Variants in STXBP2 observed in about 807,000 individuals in gnomAD.
STXBP2 encodes the protein syntaxin-binding protein 2.
STXBP2 carries 47 observed loss-of-function variants against 72.2 expected under a neutral mutation model. The observed-to-expected ratio is 0.65, with a 90% CI of 0.51 to 0.83. STXBP2 has a LOEUF of 0.83. Ranked by LOEUF, STXBP2 falls within the 40% of genes least tolerant of loss-of-function variation. The pLI is 0.00. For missense variants in STXBP2, 702 were observed against 807.6 expected, an observed-to-expected ratio of 0.87 and a Z score of 1.58; for synonymous variants, 367 against 338.7, an observed-to-expected ratio of 1.08 and a Z score of -0.92.
intron 18 of STXBP2, 57 bp downstream of exon 18, chr19:7,647,568 C>G (rs1599408742): frequency 7.0e-6 from 11 of 1,575,166 alleles, no homozygotes; most frequent in Non-Finnish European, 9.5e-6. Flanking sequence ...GGGGCCTGGG[C>G]TTGTACCTTC....
In STXBP2 at chr19:7,647,789, G is replaced by A. The variant is rs532356732; in HGVS notation, c.1761G>A (p.Leu587=). 1.4e-5 allele frequency: 22 copies of A among 1,614,110 alleles called. No individual in the cohort carries two copies. In the Admixed American group the frequency reaches 2.8e-4, roughly 21 times the overall value. ...ACCTGAAGGCACTGGACAAGAAGCT[G>A]GAGGACATTGCCCTGCCCTGACCCC... ...LDDLKALDKK[L]EDIALP Residue 587 remains leucine, a synonymous_variant, in exon 19 of 19, where the codon CTG becomes CTA. Transcript: ENST00000221283.
chr19:7,637,784 C>T (rs975986100), intron 1 of STXBP2, among the ~76,000 whole-genome samples: 1 of 152,230 alleles, frequency 6.6e-6, no homozygotes, highest in Non-Finnish European at 1.5e-5. Flanking sequence ...GCTGCTCCTT[C>T]CGCCCTGGCC....
At chr19:7,632,253 C>T, upstream of STXBP2, 3 of 1,333,824 alleles carry the variant, frequency 2.2e-6, no homozygotes, top group Non-Finnish European at 3.1e-6. This position sits in a 1 kb window ranked among gnomAD's most constrained non-coding sequence, Gnocchi z 5.2. Flanking sequence ...CTGCCTGGGC[C>T]TTGGTCCTCC....
intron 1 of STXBP2, among the ~76,000 whole-genome samples, chr19:7,638,003 G>A (rs1271887316): frequency 6.6e-6 from 1 of 152,238 alleles, no homozygotes; most frequent in African/African-American, 2.4e-5. Flanking sequence ...CTCAGAGCTG[G>A]GAACCAGGGG....
intron 2 of STXBP2, 56 bp downstream of exon 2, chr19:7,638,831 G>C: frequency 1.2e-6 from 2 of 1,611,026 alleles, no homozygotes; most frequent in Non-Finnish European, 1.7e-6. Context: ...CAGGCCTATG[G>C]GGAAGACCCT....
chr19:7,633,096 C>T, upstream of STXBP2: 1 of 1,166,172 alleles, frequency 8.6e-7, no homozygotes, highest in Non-Finnish European at 1.2e-6. Flanking sequence ...CGATGCGTGT[C>T]CCGCCGTCCT....
chr19:7,632,101 C>T (rs1245839256), upstream of STXBP2: 14 of 565,066 alleles, frequency 2.5e-5, no homozygotes, highest in South Asian at 7.6e-5. This position sits in a 1 kb window ranked among gnomAD's most constrained non-coding sequence, Gnocchi z 5.2. Context: ...GACTTCCTCC[C>T]TGGGATACTT....
chr19:7,642,718 T>G lies in STXBP2; in HGVS notation c.903-48T>G. ...CCCCTGAGTGGGCTCACCCATGGCC[T>G]GTGGCTCCTCTCCCCTCACTCTCAC... On this transcript the variant is annotated intron_variant, in intron 10 of 18. Coordinates refer to ENST00000221283, the MANE Select transcript of STXBP2 (RefSeq NM_006949.4). The surrounding 1 kb of genome is among the most constrained non-coding windows in gnomAD (Gnocchi z 6.0). 1 of 1,600,376 alleles carries G rather than the reference T, an allele frequency of 6.2e-7. No individual in the cohort carries two copies. The highest frequency in any genetic ancestry group is 8.6e-7 in the Non-Finnish European group (1 of 1,169,224).
At position 7,647,152 on chromosome 19, in the gene STXBP2, C is replaced by T. The variant is rs368488488; in HGVS notation, c.1453-10C>T. 36 of 1,611,132 alleles carry T rather than the reference C, an allele frequency of 2.2e-5. No homozygotes were observed. Among genetic ancestry groups the T allele is most frequent in the Admixed American group, 2.2e-4 (13 of 59,990 alleles). ...GGGGTTCCTCCCCTAACCTGCCTCT[C>T]GGCCGCCAGGACGCCGTGGAGGACC... On this transcript the variant is annotated splice_polypyrimidine_tract_variant and intron_variant, in intron 16 of 18. Coordinates refer to ENST00000221283, the MANE Select transcript of STXBP2 (RefSeq NM_006949.4).
intron 3 of STXBP2, 121 bp from the exon 4 acceptor site, chr19:7,639,610 C>T (rs553708618): frequency 2.2e-6 from 2 of 907,736 alleles, no homozygotes; most frequent in Admixed American, 4.0e-5. Flanking sequence ...TGGGTTTCTC[C>T]TGCAGTCCCT....
chr19:7,631,296 G>A, the STXBP2 span: 2 of 1,413,580 alleles, frequency 1.4e-6, no homozygotes, highest in East Asian at 2.6e-5. Context: ...CTGGAAGAGT[G>A]AAGCGGATCC....
At position 7,640,900 on chromosome 19, in the gene STXBP2, C is replaced by T. The variant is rs201628151; in HGVS notation, c.326C>T (p.Thr109Ile). 16 of 1,614,190 alleles carry T rather than the reference C, an allele frequency of 9.9e-6. No individual in the cohort carries two copies. The highest frequency in any genetic ancestry group is 1.4e-5 in the Non-Finnish European group (16 of 1,180,008). The change falls in exon 6 of 19, where the codon ACC (threonine) becomes ATC (isoleucine). Residue 109 changes from threonine (T) to isoleucine (I), a missense_variant and splice_region_variant. Transcript: ENST00000221283. ...ATGCCCCACTCCTGCCTCACCCCAGCCTGCCCCGAGCCCCTGTTCAGTGAG... is the reference window on the plus strand; with the variant it reads ...ATGCCCCACTCCTGCCTCACCCCAGTCTGCCCCGAGCCCCTGTTCAGTGAG... ...YKAAHIFFTD[T>I]CPEPLFSELG...
At position 7,639,750 on chromosome 19, in the gene STXBP2, A is replaced by G; in HGVS notation, c.189A>G (p.Lys63=). 3.1e-6 allele frequency: 5 copies of G among 1,613,578 alleles called. No individual in the cohort carries two copies. The highest frequency in any genetic ancestry group is 4.2e-6 in the Non-Finnish European group (5 of 1,179,968). Residue 63 remains lysine (K), a synonymous_variant, in exon 4 of 19, where the codon AAA becomes AAG. Coordinates refer to ENST00000221283, the MANE Select transcript of STXBP2 (RefSeq NM_006949.4). ...TACTAGTTGTTGAAGACATCAACAA[A>G]CGGCGGGAACCCATTCCCAGTCTGG... ...EGITIVEDIN[K]RREPIPSLEA...
chr19:7,645,391 A>G (rs1346894860), intron 15 of STXBP2, 85 bp downstream of exon 15: 1 of 1,300,220 alleles, frequency 7.7e-7, no homozygotes, highest in African/African-American at 1.5e-5. Flanking sequence ...CCATTGGTGC[A>G]CAGGCACGGT....
upstream of STXBP2, among the ~76,000 whole-genome samples, chr19:7,634,128 G>T (rs73921480): frequency 0.039 from 5,981 of 152,254 alleles, 415 homozygotes; most frequent in African/African-American, 0.14. Flanking sequence ...TAAATGCCAG[G>T]TTGAGCTATC....
Position 7,645,279 on chromosome 19 carries a change from G to C in STXBP2, c.1329G>C (p.Gln443His), listed in dbSNP as rs1241867959. The part of the protein sequence containing the change: ...AHSSLIRNLE[Q>H]LGGTVTNPGG... Reference sequence around the variant, plus strand: ...GCAGCCTCATCCGTAACCTGGAGCAGCTGGGAGGCACTGTCACCAACCCCG... The same window carrying C: ...GCAGCCTCATCCGTAACCTGGAGCACCTGGGAGGCACTGTCACCAACCCCG... Residue 443 changes from glutamine (Q) to histidine (H), a missense_variant, in exon 15 of 19, where the codon CAG becomes CAC. Transcript: ENST00000221283. 6.3e-7 allele frequency: 1 copy of C among 1,587,118 alleles called. No individual in the cohort carries two copies.
the STXBP2 span, chr19:7,630,017 G>T: frequency 3.1e-6 from 3 of 956,086 alleles, no homozygotes; most frequent in Non-Finnish European, 4.4e-6. Flanking sequence ...ATCCAGGAGA[G>T]GGGACGCTGG....
chr19:7,647,078 G>A (rs1194995469), intron 16 of STXBP2, 84 bp from the exon 17 acceptor site: 2 of 1,434,326 alleles, frequency 1.4e-6, no homozygotes, highest in South Asian at 2.3e-5. Flanking sequence ...CAGGATCTTG[G>A]CCCCTGAATA....
rs751294994 is a variant in STXBP2 at position 7,642,840 on chromosome 19, G to T, written c.960+17G>T. The T allele has an allele frequency of 6.2e-7, 1 of 1,614,122 alleles. No homozygotes were observed. The highest frequency in any genetic ancestry group is 8.5e-7 in the Non-Finnish European group (1 of 1,180,012). On this transcript the variant is annotated intron_variant, in intron 11 of 18. Transcript: ENST00000221283. This position sits in a 1 kb window ranked among gnomAD's most constrained non-coding sequence, Gnocchi z 6.0. ...ACGGACAAGGTAGGGGCGGACCCAG[G>T]TCACCAAAGGCGCTGGTGGAAGGAA...
Sources: gnomAD v4.1 joint callset for allele counts (sites outside exome capture counted in the v4.1 genomes callset) on GRCh38, gnomAD v4.1.1 for gene constraint, Gnocchi (gnomAD v3.1) non-coding constraint, MANE v1.5 for transcripts, NCBI Gene and HGNC (gene_info 2026-07-23, HGNC 2026-07-21) for gene names.